OTUD7B: variants seen among roughly 807,000 people sequenced by gnomAD.
OTUD7B encodes the protein OTU deubiquitinase 7B, also known as OTU domain-containing protein 7B.
In OTUD7B, 34 loss-of-function variants were observed where a neutral mutation model predicts 82.2. That is an observed-to-expected ratio of 0.41 (90% CI 0.31 to 0.55). The LOEUF is 0.55. Ranked by LOEUF, OTUD7B falls within the 20% of genes least tolerant of loss-of-function variation. OTUD7B has a pLI of 0.20. For synonymous variants in OTUD7B, 398 were observed against 402.7 expected, an observed-to-expected ratio of 0.99 and a Z score of 0.14; for missense variants, 944 against 1,062.1, an observed-to-expected ratio of 0.89 and a Z score of 1.55.
the OTUD7B span, among the ~76,000 whole-genome samples, chr1:150,028,721 A>C: frequency 6.6e-6 from 1 of 152,170 alleles, no homozygotes; most frequent in African/African-American, 2.4e-5. Flanking sequence ...CCCAGGCTGG[A>C]GTGCAATGGC....
At chr1:150,054,270 T>C in the OTUD7B span, 1 of 472,028 alleles carries the variant, frequency 2.1e-6, no homozygotes, top group Non-Finnish European at 4.1e-6. Context: ...AGTCAGCACA[T>C]GAGAAAACTG....
At chr1:150,037,975 C>T in the OTUD7B span, among the ~76,000 whole-genome samples, 3 of 151,530 alleles carry the variant, frequency 2.0e-5, no homozygotes, top group Admixed American at 6.6e-5. Flanking sequence ...GCTCAGGGCA[C>T]CTCAGCCTCC....
intron 1 of OTUD7B, among the ~76,000 whole-genome samples, chr1:149,988,054 C>A (rs1479258603): frequency 2.6e-5 from 4 of 152,130 alleles, no homozygotes; most frequent in Non-Finnish European, 5.9e-5. Flanking sequence ...CTCTTAATCT[C>A]ATGTATATTA....
At chr1:149,993,601 G>C (rs587731936) in intron 1 of OTUD7B, among the ~76,000 whole-genome samples, 1 of 152,256 alleles carries the variant, frequency 6.6e-6, no homozygotes, top group Non-Finnish European at 1.5e-5. Context: ...GATTATTAAA[G>C]TCATGTGTTC....
At position 149,958,366 on chromosome 1, in the gene OTUD7B, C is replaced by T. The variant is rs1161091756; in HGVS notation, c.845+1318G>A. On this transcript the variant is annotated intron_variant, in intron 7 of 11. Coordinates refer to ENST00000581312, the MANE Select transcript of OTUD7B (RefSeq NM_020205.4). ...TTTTTGAAATGGAGTCTCACTCTGT[C>T]GCCAGGGCTGGAGTGCAGTGGCACG... Among the ~76,000 whole-genome samples the T allele has an allele frequency of 2.8e-5, 3 of 107,134 alleles. No individual in the cohort carries two copies. The South Asian group carries it at 9.8e-4, about 35-fold the overall frequency. The allele number at this position is 107,134 out of a possible 152,430, so 70.3% of individuals were successfully genotyped here.
the OTUD7B span, among the ~76,000 whole-genome samples, chr1:150,017,288 C>T: frequency 6.6e-6 from 1 of 152,084 alleles, no homozygotes; most frequent in Non-Finnish European, 1.5e-5. Context: ...TTTATCAGCT[C>T]CCAATTATTG....
At chr1:150,028,918 T>A in the OTUD7B span, among the ~76,000 whole-genome samples, 1 of 152,220 alleles carries the variant, frequency 6.6e-6, no homozygotes, top group African/African-American at 2.4e-5. Context: ...TAGCATAATG[T>A]CCTCAAGGTT....
At chr1:150,003,437 G>C (rs587712241) in intron 1 of OTUD7B, among the ~76,000 whole-genome samples, 2 of 152,136 alleles carry the variant, frequency 1.3e-5, no homozygotes, top group East Asian at 3.9e-4. Context: ...GTCATCTGTA[G>C]AGTATATCCT....
rs906964396 is a variant in OTUD7B, at chr1:149,982,175, T to C, written c.-66-4599A>G. On this transcript the variant is annotated intron_variant, in intron 1 of 11. Coordinates refer to ENST00000581312, the MANE Select transcript of OTUD7B (RefSeq NM_020205.4). Reference sequence around the variant, plus strand: ...AAATAAATAAATAAATAAATAAATATAAAAAATAAAAACATTCTTACTCAT... The same window carrying C: ...AAATAAATAAATAAATAAATAAATACAAAAAATAAAAACATTCTTACTCAT... 2.1e-5 allele frequency among the ~76,000 whole-genome samples: 3 copies of C among 144,358 alleles called. No homozygotes were observed. The East Asian group carries it at 5.8e-4, about 28-fold the overall frequency. 94.7% of individuals were successfully genotyped at this position (144,358 alleles called of 152,430 possible). A position where few individuals can be genotyped will look rare whatever the true frequency, so the allele number is the denominator to read the frequency against.
rs782609576 is a variant in OTUD7B at position 150,004,130 on chromosome 1, T to TTA, written c.-67+6316_-67+6317dup. Reference sequence around the variant, plus strand: ...GTCTCTTTTTCACTCTTTCCTCTCCTTAGCCTACCCTCCACAACTCTAACT... The same window carrying TTA: ...GTCTCTTTTTCACTCTTTCCTCTCCTTATAGCCTACCCTCCACAACTCTAACT... On this transcript the variant is annotated intron_variant, in intron 1 of 11. Coordinates refer to ENST00000581312, the MANE Select transcript of OTUD7B (RefSeq NM_020205.4). 1.1e-3 allele frequency among the ~76,000 whole-genome samples: 161 copies of TTA among 152,226 alleles called. 2 individuals are homozygous for TTA. The highest frequency in any genetic ancestry group is 7.8e-4 in the Non-Finnish European group (53 of 67,996).
chr1:149,977,111 ACT>A (rs1435337711), intron 2 of OTUD7B, among the ~76,000 whole-genome samples: 2 of 152,142 alleles, frequency 1.3e-5, no homozygotes, highest in South Asian at 2.1e-4. Flanking sequence ...ACAGAGCGAG[ACT>A]CTGTCTCAAA....
At chr1:149,959,611 C>G (rs1559836390) in intron 7 of OTUD7B, 73 bp downstream of exon 7, 5 of 896,028 alleles carry the variant, frequency 5.6e-6, no homozygotes, top group Non-Finnish European at 5.7e-6. Flanking sequence ...ACAGAGCTCT[C>G]TAGACACTGG....
At position 150,009,312 on chromosome 1, in the gene OTUD7B, T is replaced by A. The variant is rs587660121; in HGVS notation, c.-67+1136A>T. ...TTTTAAATATTTAGGGGTTAGCAAC[T>A]CTTTGGAGCCAGTCTTACCGCCACC... On this transcript the variant is annotated intron_variant, in intron 1 of 11. Coordinates refer to ENST00000581312, the MANE Select transcript of OTUD7B (RefSeq NM_020205.4). Among the ~76,000 whole-genome samples, 33 of 152,294 alleles carry A rather than the reference T, an allele frequency of 2.2e-4. No homozygotes were observed. The South Asian group carries it at 6.6e-3, about 31-fold the overall frequency.
chr1:149,939,487 G>A lies in OTUD7B; in HGVS notation c.*4370C>T, dbSNP rs1379843508. On this transcript the variant is annotated 3_prime_UTR_variant, in exon 12 of 12. Transcript: ENST00000581312. The stretch of plus-strand genomic sequence containing the variant: ...AGTAGAAGAGACAGAATGCCTGCAT[G>A]ACTCATCCAGATCTATAGTTGAAAG... 1.3e-5 allele frequency: 2 copies of A among 152,176 alleles called. No homozygotes were observed. The highest frequency in any genetic ancestry group is 2.9e-5 in the Non-Finnish European group (2 of 68,044). 9.4% of individuals were successfully genotyped at this position (152,176 alleles called of 1,614,324 possible).
intron 1 of OTUD7B, among the ~76,000 whole-genome samples, chr1:149,979,421 C>G (rs1650562139): frequency 6.6e-6 from 1 of 152,180 alleles, no homozygotes; most frequent in Admixed American, 6.5e-5. Flanking sequence ...GGTCAAATTA[C>G]TTACAGGGTT....
In OTUD7B at chr1:149,965,920, A is replaced by T. The variant is rs782512950; in HGVS notation, c.503-42T>A. 8 of 1,514,670 alleles carry T rather than the reference A, an allele frequency of 5.3e-6. No homozygotes were observed. In the Admixed American group the frequency reaches 1.4e-4, roughly 26 times the overall value. 93.8% of individuals were successfully genotyped at this position (1,514,670 alleles called of 1,614,324 possible). ...GTGGAGGAAAAGGAGATTATCCATG[A>T]AGCCCTTCCACCTTCCTATTTCTGA... is the stretch of plus-strand genomic sequence containing the variant. On this transcript the variant is annotated intron_variant, in intron 4 of 11. Transcript: ENST00000581312.
At chr1:149,999,366 G>A (rs979827505) in intron 1 of OTUD7B, among the ~76,000 whole-genome samples, 6 of 152,166 alleles carry the variant, frequency 3.9e-5, no homozygotes. Flanking sequence ...AGAGTTCTAA[G>A]AAGGGGTATG....
chr1:150,043,079 C>T, the OTUD7B span, among the ~76,000 whole-genome samples: 2 of 152,146 alleles, frequency 1.3e-5, no homozygotes, highest in Admixed American at 1.3e-4. Context: ...GAGACCTTTG[C>T]ACCAGCATCG....
upstream of OTUD7B, among the ~76,000 whole-genome samples, chr1:150,013,807 A>G (rs943018274): frequency 6.7e-6 from 1 of 150,344 alleles, no homozygotes; most frequent in Admixed American, 6.7e-5. Context: ...CTGTAGTCCC[A>G]GCTACTTGGG....
Sources: allele counts gnomAD v4.1 joint callset (sites outside exome capture counted in the v4.1 genomes callset), GRCh38; gene constraint gnomAD v4.1.1; transcripts MANE v1.5; gene names NCBI Gene and HGNC (gene_info 2026-07-23, HGNC 2026-07-21).